Variants in SCML4 observed in about 807,000 individuals in gnomAD.
SCML4 encodes the protein Scm polycomb group protein like 4.
A neutral mutation model predicts 41.1 loss-of-function variants in SCML4; 34 were observed. That is an observed-to-expected ratio of 0.83 (90% CI 0.63 to 1.10). SCML4 has a LOEUF of 1.10. Among genes scored for constraint, SCML4 ranks in the 50% least tolerant of loss-of-function variants. The pLI is 0.00. For synonymous variants in SCML4, 214 were observed against 220.9 expected (o/e 0.97, Z 0.28); for missense variants, 522 against 534.1 (o/e 0.98, Z 0.22).
intron 5 of SCML4, among the ~76,000 whole-genome samples, chr6:107,721,640 C>T (rs778875193): frequency 1.3e-5 from 2 of 152,214 alleles, no homozygotes; most frequent in African/African-American, 2.4e-5. Context: ...GCTCACCCAC[C>T]AGCACAGCCC....
intron 1 of SCML4, among the ~76,000 whole-genome samples, chr6:107,796,123 T>G (rs946592046): frequency 5.9e-5 from 9 of 152,320 alleles, no homozygotes; most frequent in Admixed American, 2.6e-4. Flanking sequence ...TTTTGAAAAA[T>G]ATCTGCCAGA....
chr6:107,812,610 G>C (rs762612076), intron 1 of SCML4, among the ~76,000 whole-genome samples: 13 of 152,244 alleles, frequency 8.5e-5, no homozygotes, highest in Admixed American at 5.9e-4. Context: ...TCCATCGAAG[G>C]CCTGAAAAGA....
intron 2 of SCML4, among the ~76,000 whole-genome samples, chr6:107,756,357 C>T (rs1225153017): frequency 2.0e-5 from 3 of 152,158 alleles, no homozygotes; most frequent in African/African-American, 7.2e-5. Context: ...GATCTTCTTC[C>T]CCAAGCCCCC....
At chr6:107,755,808 G>A (rs1436854995) in intron 2 of SCML4, 1 of 257,354 alleles carries the variant, frequency 3.9e-6, no homozygotes, top group Non-Finnish European at 7.5e-6. Flanking sequence ...GATTAGGGTA[G>A]GGATTACACA....
At chr6:107,728,126 A>G (rs1776176448) in intron 5 of SCML4, among the ~76,000 whole-genome samples, 1 of 152,268 alleles carries the variant, frequency 6.6e-6, no homozygotes, top group South Asian at 2.1e-4. Context: ...CAAAAACAGT[A>G]CACTGCTTAT....
At chr6:107,806,202 A>G (rs1783719955) in intron 1 of SCML4, among the ~76,000 whole-genome samples, 1 of 150,766 alleles carries the variant, frequency 6.6e-6, no homozygotes, top group African/African-American at 2.4e-5. Flanking sequence ...CCCCCAATAA[A>G]CAATGAGCAA....
At chr6:107,790,944 C>T (rs148446317) in intron 1 of SCML4, among the ~76,000 whole-genome samples, 87 of 152,096 alleles carry the variant, frequency 5.7e-4, no homozygotes, top group African/African-American at 2.0e-3. Flanking sequence ...GTGGTGCATG[C>T]CTGTAGTCCC....
chr6:107,707,689 G>C (rs1773793393), intron 7 of SCML4, among the ~76,000 whole-genome samples, 177 bp downstream of exon 7: 1 of 152,174 alleles, frequency 6.6e-6, no homozygotes, highest in Non-Finnish European at 1.5e-5. Flanking sequence ...GCTCTGAGGA[G>C]CCTGTGGTTG....
intron 2 of SCML4, among the ~76,000 whole-genome samples, chr6:107,767,990 G>A (rs1178924752): frequency 3.3e-5 from 5 of 151,844 alleles, no homozygotes; most frequent in Admixed American, 2.0e-4. Flanking sequence ...GCTGGGCCCG[G>A]TGGCTCATGC....
the SCML4 span, among the ~76,000 whole-genome samples, chr6:107,844,904 C>T: frequency 7.2e-6 from 1 of 139,596 alleles, no homozygotes; most frequent in Admixed American, 7.3e-5. Flanking sequence ...TCAACAACAA[C>T]AACAAAATGT....
In SCML4 at chr6:107,726,909, C is replaced by A. The variant is rs573921715; in HGVS notation, c.683-5916G>T. 2.1e-3 allele frequency among the ~76,000 whole-genome samples: 326 copies of A among 152,172 alleles called. 2 individuals are homozygous for A. In the Middle Eastern group the frequency reaches 0.058, roughly 27 times the overall value. On this transcript the variant is annotated intron_variant, in intron 5 of 7. Coordinates refer to ENST00000369020, the MANE Select transcript of SCML4 (RefSeq NM_198081.5). ...CAGCAATTATACTCCTAGGTATGTA[C>A]TAAAAAGAAATGAAAACAAATGTCT...
In SCML4 at chr6:107,810,824, A is replaced by T. The variant is rs367695615; in HGVS notation, c.-60+13302T>A. On this transcript the variant is annotated intron_variant, in intron 1 of 7. Coordinates refer to ENST00000369020, the MANE Select transcript of SCML4 (RefSeq NM_198081.5). Reference sequence around the variant, plus strand: ...TGGAGATAGGCTATTTTATCTTTTTATAGAGATGGGGGTCTCACTATGTTT... The same window carrying T: ...TGGAGATAGGCTATTTTATCTTTTTTTAGAGATGGGGGTCTCACTATGTTT... Among the ~76,000 whole-genome samples the T allele has an allele frequency of 2.0e-4, 31 of 152,278 alleles. No individual in the cohort carries two copies. The East Asian group carries it at 5.8e-3, about 28-fold the overall frequency.
chr6:107,752,412 T>C (rs138816335), intron 2 of SCML4, among the ~76,000 whole-genome samples: 280 of 152,158 alleles, frequency 1.8e-3, no homozygotes, highest in African/African-American at 6.1e-3. Flanking sequence ...ATAGAGTTGG[T>C]ATGTCAGACC....
At chr6:107,747,597 A>G (rs2114500761) in intron 3 of SCML4, among the ~76,000 whole-genome samples, 1 of 149,378 alleles carries the variant, frequency 6.7e-6, no homozygotes, top group East Asian at 1.9e-4. Context: ...ATAATATAAT[A>G]TTATATAAAT....
intron 2 of SCML4, among the ~76,000 whole-genome samples, chr6:107,762,876 C>CTTTT (rs57370632): frequency 2.8e-4 from 25 of 89,674 alleles, no homozygotes; most frequent in Admixed American, 6.8e-4. Context: ...TAAATGCACT[C>CTTTT]TTTTTTTTTT....
chr6:107,824,687 T>TA (rs977353515), upstream of SCML4, among the ~76,000 whole-genome samples: 5 of 152,142 alleles, frequency 3.3e-5, no homozygotes, highest in Non-Finnish European at 5.9e-5. Flanking sequence ...CAGTTTTCAT[T>TA]ACCCCTCCTC....
chr6:107,775,364 T>G (rs1780855742), intron 1 of SCML4, among the ~76,000 whole-genome samples: 1 of 152,188 alleles, frequency 6.6e-6, no homozygotes, highest in Admixed American at 6.5e-5. Flanking sequence ...ACAAACCCAC[T>G]GCATGTGCAG....
chr6:107,797,373 C>G (rs1449040770), intron 1 of SCML4, among the ~76,000 whole-genome samples: 1 of 152,010 alleles, frequency 6.6e-6, no homozygotes. Flanking sequence ...ATCACTAAGT[C>G]TATTTGGGTT....
the SCML4 span, among the ~76,000 whole-genome samples, chr6:107,844,290 C>T: frequency 1.2e-3 from 176 of 152,272 alleles, no homozygotes; most frequent in Non-Finnish European, 2.0e-3. Context: ...GAAAAAAGGG[C>T]GCTGGTCCTC....
Sources: allele counts gnomAD v4.1 joint callset (sites outside exome capture counted in the v4.1 genomes callset), GRCh38; gene constraint gnomAD v4.1.1; transcripts MANE v1.5; gene names NCBI Gene and HGNC (gene_info 2026-07-23, HGNC 2026-07-21).